TSHZ2: variants seen among roughly 807,000 people sequenced by gnomAD.
TSHZ2 encodes the protein teashirt zinc finger homeobox 2, also known as teashirt homolog 2.
A neutral mutation model predicts 74.4 loss-of-function variants in TSHZ2; 21 were observed. The observed-to-expected ratio is 0.28, with a 90% CI of 0.20 to 0.41. The LOEUF is 0.41. Among genes scored for constraint, TSHZ2 ranks in the 10% least tolerant of loss-of-function variants. The pLI, the probability that TSHZ2 is intolerant of heterozygous loss-of-function variation, is 1.00. For synonymous variants in TSHZ2, 540 were observed against 515.3 expected (o/e 1.05, Z -0.65); for missense variants, 1,244 against 1,293.5 (o/e 0.96, Z 0.59).
intron 1 of TSHZ2, among the ~76,000 whole-genome samples, chr20:53,037,077 C>G (rs1983850146): frequency 6.6e-6 from 1 of 151,782 alleles, no homozygotes. Flanking sequence ...TATTTTTTCC[C>G]TGATCATTTC....
intron 1 of TSHZ2, among the ~76,000 whole-genome samples, chr20:52,974,993 C>T (rs1041920040): frequency 1.3e-5 from 2 of 152,164 alleles, no homozygotes; most frequent in Non-Finnish European, 2.9e-5. Context: ...CTTTGGAAAA[C>T]AATGTCTCTT....
intron 1 of TSHZ2, among the ~76,000 whole-genome samples, chr20:53,012,491 A>C (rs1187773535): frequency 6.6e-6 from 1 of 152,170 alleles, no homozygotes; most frequent in Non-Finnish European, 1.5e-5. Flanking sequence ...GGTGGTTCAA[A>C]CACACTTTAA....
intron 1 of TSHZ2, among the ~76,000 whole-genome samples, chr20:53,184,237 T>G (rs1391036622): frequency 5.3e-5 from 8 of 152,250 alleles, no homozygotes; most frequent in African/African-American, 1.4e-4. Flanking sequence ...TTATGGAATT[T>G]GAAATGATTT....
intron 1 of TSHZ2, among the ~76,000 whole-genome samples, chr20:53,085,166 C>T (rs566838124): frequency 2.2e-4 from 34 of 152,108 alleles, no homozygotes; most frequent in African/African-American, 8.0e-4. Flanking sequence ...ACTTCGAGAC[C>T]AGCCAGGCGA....
At chr20:53,085,361 T>C (rs1600682549) in intron 1 of TSHZ2, among the ~76,000 whole-genome samples, 1 of 151,808 alleles carries the variant, frequency 6.6e-6, no homozygotes, top group African/African-American at 2.4e-5. Context: ...TGAAACTCCA[T>C]CTCAAAAAGA....
Position 53,491,832 on chromosome 20 carries a change from A to G in TSHZ2, c.*4697A>G, listed in dbSNP as rs1568940861. ...AGTAAAATGGCTCTTCCAAGGAATG[A>G]CACCTTTACTTGACACCCTTCGGCA... On this transcript the variant is annotated 3_prime_UTR_variant, in exon 3 of 3. Coordinates refer to ENST00000371497, the MANE Select transcript of TSHZ2 (RefSeq NM_173485.6). 6.6e-6 allele frequency: 1 copy of G among 152,194 alleles called. No homozygotes were observed. The highest frequency in any genetic ancestry group is 1.5e-5 in the Non-Finnish European group (1 of 68,022). 9.4% of individuals were successfully genotyped at this position (152,194 alleles called of 1,614,324 possible).
chr20:53,073,819 C>T (rs1007112826), intron 1 of TSHZ2, among the ~76,000 whole-genome samples: 1 of 151,846 alleles, frequency 6.6e-6, no homozygotes, highest in Non-Finnish European at 1.5e-5. Flanking sequence ...ACATTTTTAA[C>T]TTTGAGACAT....
chr20:53,213,063 G>A (rs1025295251), intron 1 of TSHZ2, among the ~76,000 whole-genome samples: 1 of 152,142 alleles, frequency 6.6e-6, no homozygotes, highest in African/African-American at 2.4e-5. Flanking sequence ...GGAAAGAAAG[G>A]AAAATGTCTA....
chr20:53,152,368 T>A (rs1485534870), intron 1 of TSHZ2, among the ~76,000 whole-genome samples: 1 of 152,166 alleles, frequency 6.6e-6, no homozygotes, highest in African/African-American at 2.4e-5. Context: ...ACTTTAACCC[T>A]GACCTTCACC....
chr20:53,141,928 G>A (rs952710295), intron 1 of TSHZ2, among the ~76,000 whole-genome samples: 1 of 152,218 alleles, frequency 6.6e-6, no homozygotes, highest in Non-Finnish European at 1.5e-5. Context: ...GGCACCAGCT[G>A]GAAACCTGTG....
intron 1 of TSHZ2, among the ~76,000 whole-genome samples, chr20:53,033,399 G>GCTCTACCA (rs1983707190): frequency 6.6e-6 from 1 of 152,036 alleles, no homozygotes; most frequent in Non-Finnish European, 1.5e-5. Flanking sequence ...AGAATATTTT[G>GCTCTACCA]GGGAAAAGCG....
At chr20:53,013,784 G>A (rs958593396) in intron 1 of TSHZ2, among the ~76,000 whole-genome samples, 1 of 152,166 alleles carries the variant, frequency 6.6e-6, no homozygotes, top group Non-Finnish European at 1.5e-5. Flanking sequence ...ATCAGTGATA[G>A]CTTTCTATTG....
intron 1 of TSHZ2, among the ~76,000 whole-genome samples, chr20:52,993,438 T>C (rs1036435262): frequency 2.6e-5 from 4 of 152,210 alleles, no homozygotes; most frequent in African/African-American, 9.7e-5. Context: ...GGTTTGTTTT[T>C]GTTGTTGTTA....
intron 2 of TSHZ2, among the ~76,000 whole-genome samples, chr20:53,443,030 A>T (rs1984400146): frequency 6.6e-6 from 1 of 152,218 alleles, no homozygotes; most frequent in Admixed American, 6.5e-5. Context: ...TGAGTATGTT[A>T]ATGCCATCCC....
At chr20:53,466,260 TAAAAAAAAAAAAAG>T (rs1985559872) in intron 2 of TSHZ2, among the ~76,000 whole-genome samples, 1 of 54,908 alleles carries the variant, frequency 1.8e-5, no homozygotes, top group African/African-American at 7.2e-5. Context: ...AAAATAAAAA[TAAAAAAAAAAAAAG>T]AAAGAGAAAA....
intron 2 of TSHZ2, among the ~76,000 whole-genome samples, chr20:53,258,887 C>T (rs1426286228): frequency 1.3e-5 from 2 of 152,160 alleles, no homozygotes; most frequent in Non-Finnish European, 2.9e-5. Flanking sequence ...TTGGGACTCA[C>T]TCAAAGCCAT....
intron 2 of TSHZ2, among the ~76,000 whole-genome samples, chr20:53,465,179 G>A (rs555010754): frequency 2.6e-5 from 4 of 152,260 alleles, no homozygotes; most frequent in African/African-American, 9.6e-5. Context: ...TCCATAAGGA[G>A]AAAGTAAGAA....
intron 1 of TSHZ2, among the ~76,000 whole-genome samples, chr20:53,048,615 G>A (rs1042183484): frequency 2.6e-5 from 4 of 152,156 alleles, no homozygotes; most frequent in South Asian, 2.1e-4. Flanking sequence ...GAAAGTTTCC[G>A]GCGGATGACC....
At chr20:53,481,387 C>T (rs1178741980) in intron 2 of TSHZ2, among the ~76,000 whole-genome samples, 2 of 152,056 alleles carry the variant, frequency 1.3e-5, no homozygotes, top group East Asian at 1.9e-4. Context: ...GCCTGGGCAA[C>T]GTGGCGAAAC....
Sources: allele counts gnomAD v4.1 joint callset (sites outside exome capture counted in the v4.1 genomes callset), GRCh38; gene constraint gnomAD v4.1.1; transcripts MANE v1.5; gene names NCBI Gene and HGNC (gene_info 2026-07-23, HGNC 2026-07-21).